Variants in SYNPR observed in about 807,000 individuals in gnomAD.
The protein encoded by SYNPR is synaptoporin.
Under a neutral mutation model 32.9 loss-of-function variants are expected in SYNPR, and 23 were observed. That is an observed-to-expected ratio of 0.70 (90% CI 0.50 to 0.99). The LOEUF is 0.99. Among genes scored for constraint, SYNPR ranks in the 50% least tolerant of loss-of-function variants. The pLI, the probability that SYNPR is intolerant of heterozygous loss-of-function variation, is 0.00. For synonymous variants in SYNPR, 146 were observed against 135.9 expected, an observed-to-expected ratio of 1.07 and a Z score of -0.52; for missense variants, 318 against 349.3, an observed-to-expected ratio of 0.91 and a Z score of 0.71.
chr3:63,298,302 A>G (rs1015797914), intron 2 of SYNPR, among the ~76,000 whole-genome samples: 13 of 152,146 alleles, frequency 8.5e-5, no homozygotes, highest in African/African-American at 2.7e-4. Flanking sequence ...TTTCATCTTC[A>G]TCTCTCCTTC....
At chr3:63,224,804 G>T (rs1398358131), upstream of SYNPR, among the ~76,000 whole-genome samples, 1 of 152,190 alleles carries the variant, frequency 6.6e-6, no homozygotes, top group Non-Finnish European at 1.5e-5. Context: ...CCCTCCTCAG[G>T]CTATGCCTAC....
At chr3:63,233,371 A>G (rs1046764610) in intron 1 of SYNPR, among the ~76,000 whole-genome samples, 2 of 152,052 alleles carry the variant, frequency 1.3e-5, no homozygotes, top group African/African-American at 4.8e-5. Context: ...AAATTTTCTA[A>G]TTGTTTCTTG....
At chr3:63,362,761 G>A (rs1345055185) in intron 2 of SYNPR, among the ~76,000 whole-genome samples, 1 of 152,184 alleles carries the variant, frequency 6.6e-6, no homozygotes, top group East Asian at 1.9e-4. Flanking sequence ...TGCTGACACT[G>A]AAATAATGAG....
intron 2 of SYNPR, among the ~76,000 whole-genome samples, chr3:63,477,297 A>T (rs1186380407): frequency 1.3e-5 from 2 of 152,048 alleles, no homozygotes; most frequent in Non-Finnish European, 2.9e-5. Context: ...TCTCTGGAGG[A>T]GTTGATTTCA....
intron 2 of SYNPR, among the ~76,000 whole-genome samples, chr3:63,436,928 G>C (rs1700095296): frequency 6.6e-6 from 1 of 152,096 alleles, no homozygotes; most frequent in Non-Finnish European, 1.5e-5. Context: ...CCGGGCTGAA[G>C]TGCAGTGGCA....
intron 2 of SYNPR, among the ~76,000 whole-genome samples, chr3:63,344,670 T>C (rs1274791471): frequency 6.6e-6 from 1 of 151,126 alleles, no homozygotes; most frequent in Non-Finnish European, 1.5e-5. Flanking sequence ...TTTTGCCCAC[T>C]GCACAGATAG....
At chr3:63,430,265 C>T (rs965275123) in intron 2 of SYNPR, among the ~76,000 whole-genome samples, 7 of 152,004 alleles carry the variant, frequency 4.6e-5, no homozygotes, top group African/African-American at 1.7e-4. Flanking sequence ...AAATTAAAGG[C>T]TTTTTCAAAG....
chr3:63,613,176 G>T (rs939802897), intron 5 of SYNPR, among the ~76,000 whole-genome samples: 5 of 150,970 alleles, frequency 3.3e-5, no homozygotes, highest in Non-Finnish European at 7.4e-5. Flanking sequence ...AAGAGACAAG[G>T]TCTTGCTATG....
intron 3 of SYNPR, among the ~76,000 whole-genome samples, chr3:63,271,537 T>C (rs2086535590): frequency 6.6e-6 from 1 of 152,166 alleles, no homozygotes; most frequent in South Asian, 2.1e-4. Flanking sequence ...TGCAGTATAC[T>C]TTGGATTACA....
intron 3 of SYNPR, among the ~76,000 whole-genome samples, chr3:63,543,929 G>A (rs1702351918): frequency 6.6e-6 from 1 of 152,086 alleles, no homozygotes; most frequent in African/African-American, 2.4e-5. Flanking sequence ...TAAGGTGGGT[G>A]GCGGGGCGTT....
chr3:63,334,827 A>G (rs1560195661), intron 2 of SYNPR, among the ~76,000 whole-genome samples: 1 of 142,716 alleles, frequency 7.0e-6, no homozygotes, highest in Non-Finnish European at 1.6e-5. Context: ...TTTTGCCATC[A>G]CTTTCAATAG....
intron 3 of SYNPR, among the ~76,000 whole-genome samples, chr3:63,497,089 A>G (rs1260187282): frequency 6.6e-6 from 1 of 152,182 alleles, no homozygotes; most frequent in Admixed American, 6.5e-5. Context: ...CTTACCCAAT[A>G]TGACCATCAC....
rs568558299 is a variant in SYNPR, at chr3:63,565,720, AATGAGGC to A, written c.408+8981_408+8987del. Among the ~76,000 whole-genome samples, 3 of 152,244 alleles carry A rather than the reference AATGAGGC, an allele frequency of 2.0e-5. No individual in the cohort carries two copies. The South Asian group carries it at 6.2e-4, about 32-fold the overall frequency. ...ATTCCTCCCTTTCAGAGGATGCTGC[AATGAGGC>A]ACCATCTTGGAGGTTACCTGTCCTA... On this transcript the variant is annotated intron_variant, in intron 4 of 5. Transcript: ENST00000478300.
At chr3:63,407,797 T>G (rs2088381552) in intron 2 of SYNPR, among the ~76,000 whole-genome samples, 3 of 152,000 alleles carry the variant, frequency 2.0e-5, no homozygotes, top group Non-Finnish European at 4.4e-5. Flanking sequence ...CCAGAGTGGG[T>G]GTCTGTTTTC....
At chr3:63,430,905 CT>C (rs1699981772) in intron 2 of SYNPR, among the ~76,000 whole-genome samples, 1 of 152,204 alleles carries the variant, frequency 6.6e-6, no homozygotes, top group Non-Finnish European at 1.5e-5. Context: ...CTTCTTTCCT[CT>C]TTTCCTCTTC....
At chr3:63,249,500 G>T (rs529218947) in intron 1 of SYNPR, among the ~76,000 whole-genome samples, 134 of 152,238 alleles carry the variant, frequency 8.8e-4, no homozygotes, top group South Asian at 1.7e-3. Flanking sequence ...GCTAAGCTAT[G>T]AGGATGCAAA....
chr3:63,431,188 G>T (rs952911897), intron 2 of SYNPR, among the ~76,000 whole-genome samples: 1 of 152,150 alleles, frequency 6.6e-6, no homozygotes, highest in Non-Finnish European at 1.5e-5. Context: ...AGATATATTT[G>T]AGGTCTCATT....
At chr3:63,439,776 T>G (rs185063061) in intron 2 of SYNPR, among the ~76,000 whole-genome samples, 1 of 152,334 alleles carries the variant, frequency 6.6e-6, no homozygotes, top group Admixed American at 6.5e-5. Flanking sequence ...ATGAATCAAT[T>G]GCCCTTATTC....
chr3:63,386,311 C>T (rs1413818659), intron 2 of SYNPR, among the ~76,000 whole-genome samples: 10 of 152,176 alleles, frequency 6.6e-5, no homozygotes, highest in African/African-American at 2.4e-4. Context: ...GCCTTATTGT[C>T]TTACTCCAAA....
Sources: allele counts gnomAD v4.1 joint callset (sites outside exome capture counted in the v4.1 genomes callset), GRCh38; gene constraint gnomAD v4.1.1; transcripts MANE v1.5; gene names NCBI Gene and HGNC (gene_info 2026-07-23, HGNC 2026-07-21).